The following ASB15 variants were observed in gnomAD, a reference collection of about 807,000 sequenced individuals.
The protein encoded by ASB15 is ankyrin repeat and SOCS box containing 15, also known as ankyrin repeat and SOCS box protein 15.
A neutral mutation model predicts 58.0 loss-of-function variants in ASB15; 54 were observed. The observed-to-expected ratio is 0.93, with a 90% CI of 0.75 to 1.17. ASB15 has a LOEUF of 1.17. ASB15 is among the 50% of genes most tolerant of loss of function. The probability of loss-of-function intolerance (pLI) is 0.00; values close to 1 mark genes in which losing one functional copy is unlikely to be tolerated. For missense variants in ASB15, 680 were observed against 707.4 expected, an observed-to-expected ratio of 0.96 and a Z score of 0.44; for synonymous variants, 249 against 262.4, an observed-to-expected ratio of 0.95 and a Z score of 0.50.
chr7:123,637,878 T>TAAAAAAAAAA lies in ASB15; in HGVS notation c.*910_*919dup, dbSNP rs71161491. ...AAATTCAACATGTCCCCAGATGAAC[T>TAAAAAAAAAA]AAAAAAAAAAAAAAAAAAAAAACCT... On this transcript the variant is annotated 3_prime_UTR_variant, in exon 12 of 12. Coordinates refer to ENST00000451215, the MANE Select transcript of ASB15 (RefSeq NM_001290258.2). The TAAAAAAAAAA allele has an allele frequency of 1.0e-3, 53 of 52,450 alleles. 3 individuals are homozygous for TAAAAAAAAAA. The highest frequency in any genetic ancestry group is 2.5e-3 in the Admixed American group (10 of 4,044). 3.2% of individuals were successfully genotyped at this position (52,450 alleles called of 1,614,324 possible).
intron 1 of ASB15, among the ~76,000 whole-genome samples, chr7:123,603,437 CA>C (rs1435039329): frequency 6.6e-6 from 1 of 152,152 alleles, no homozygotes. Flanking sequence ...AGGTATTTGA[CA>C]ATATTCCTTG....
At chr7:123,623,522 T>C (rs553002484) in intron 7 of ASB15, among the ~76,000 whole-genome samples, 28 of 152,198 alleles carry the variant, frequency 1.8e-4, no homozygotes, top group Non-Finnish European at 3.1e-4. Flanking sequence ...CTGGGAACAG[T>C]TGGCCTATGT....
chr7:123,603,573 G>A (rs553504267), intron 1 of ASB15, among the ~76,000 whole-genome samples: 1 of 152,090 alleles, frequency 6.6e-6, no homozygotes, highest in African/African-American at 2.4e-5. Flanking sequence ...CAACATAGAG[G>A]CCTCTGTCCT....
At chr7:123,598,806 C>T (rs949543756), upstream of ASB15, 1 of 152,180 alleles carries the variant, frequency 6.6e-6, no homozygotes, top group African/African-American at 2.4e-5. Context: ...CTTGCCTTTG[C>T]TTGGCTACAT....
intron 7 of ASB15, among the ~76,000 whole-genome samples, chr7:123,618,898 A>G (rs747709391): frequency 3.9e-5 from 6 of 152,248 alleles, no homozygotes; most frequent in Admixed American, 1.3e-4. Context: ...CACATTGGCC[A>G]GGCGCGGTGG....
rs374487666 is a variant in ASB15, at chr7:123,572,375, A to G, written c.-443+5287A>G. Among the ~76,000 whole-genome samples, 371 of 151,424 alleles carry G rather than the reference A, an allele frequency of 2.5e-3. 2 individuals are homozygous for G. Among genetic ancestry groups the G allele is most frequent in the African/African-American group, 8.7e-3 (359 of 41,336 alleles). The stretch of plus-strand genomic sequence containing the variant: ...AGGACGGTCTCGATCTCTTGACCTC[A>G]TGATCCGCCCGCCTCAGCCTCCGAA... On this transcript the variant is annotated intron_variant, in intron 1 of 13. Coordinates refer to the ASB15 transcript ENST00000451558.
At chr7:123,629,818 A>G in intron 10 of ASB15, 148 bp from the exon 11 acceptor site, 1 of 646,068 alleles carries the variant, frequency 1.5e-6, no homozygotes, top group Non-Finnish European at 2.5e-6. Flanking sequence ...AGAGAGAAGC[A>G]AACAATTTAT....
intron 7 of ASB15, chr7:123,623,251 A>G (rs1263128683): frequency 6.6e-6 from 1 of 152,198 alleles, no homozygotes. Flanking sequence ...TGAATGAGTG[A>G]ATGTAACTGT....
At chr7:123,595,692 C>T (rs928866085) in intron 1 of ASB15, among the ~76,000 whole-genome samples, 1 of 152,198 alleles carries the variant, frequency 6.6e-6, no homozygotes, top group African/African-American at 2.4e-5. Context: ...TTAAATACTG[C>T]ACTGGTGAGA....
At chr7:123,587,472 A>G (rs1799407591) in intron 1 of ASB15, among the ~76,000 whole-genome samples, 1 of 150,886 alleles carries the variant, frequency 6.6e-6, no homozygotes, top group African/African-American at 2.4e-5. Context: ...TTTTTTATAC[A>G]TGGTATTATG....
intron 1 of ASB15, among the ~76,000 whole-genome samples, chr7:123,569,403 A>C (rs1798844064): frequency 6.6e-6 from 1 of 151,902 alleles, no homozygotes; most frequent in African/African-American, 2.4e-5. Context: ...GCTAGGGCCC[A>C]AAAAAAAGGC....
chr7:123,607,669 T>C (rs1277034891), intron 2 of ASB15, among the ~76,000 whole-genome samples: 1 of 152,140 alleles, frequency 6.6e-6, no homozygotes, highest in African/African-American at 2.4e-5. Flanking sequence ...GTATTTGTTG[T>C]AGAGATGAGG....
intron 8 of ASB15, 113 bp downstream of exon 8, chr7:123,624,927 T>C: frequency 2.3e-6 from 3 of 1,309,924 alleles, no homozygotes; most frequent in Non-Finnish European, 3.1e-6. Context: ...CCTCTTCCTC[T>C]GCTGAATGGA....
At chr7:123,588,679 A>AT (rs1038419467) in intron 1 of ASB15, among the ~76,000 whole-genome samples, 37 of 126,492 alleles carry the variant, frequency 2.9e-4, no homozygotes, top group East Asian at 1.9e-3. Context: ...TTTATTTGGG[A>AT]TTTTTTTTTT....
rs1802040339 is a variant in ASB15 at position 123,630,044 on chromosome 7, T to C, written c.1519T>C (p.Tyr507His). ...TCGTGTACTAATAGATTACATGGAT[T>C]ATGTTCCTCTGTGTGCTAAACTGAA... ...VTRVLIDYMD[Y>H]VPLCAKLKSA... Residue 507 changes from tyrosine (Y) to histidine (H), a missense_variant, in exon 11 of 12, where the codon TAT (tyrosine) becomes CAT (histidine). Physicochemically the swap from Tyr to His is moderately conservative, Grantham distance 83 (BLOSUM62 2). Coordinates refer to ENST00000451215, the MANE Select transcript of ASB15 (RefSeq NM_001290258.2). The C allele has an allele frequency of 1.9e-6, 3 of 1,608,004 alleles. No homozygotes were observed. Among genetic ancestry groups the C allele is most frequent in the Non-Finnish European group, 2.6e-6 (3 of 1,175,012 alleles).
chr7:123,629,295 T>C lies in ASB15; in HGVS notation c.1301T>C (p.Leu434Pro). ...YALNDEVMLRLLLNNGYQVEM... is the reference protein window; with the variant it reads ...YALNDEVMLRPLLNNGYQVEM... ...CTAAACGACGAGGTAATGCTGAGGC[T>C]ATTGCTGAATAATGGCTATCAAGTG... Residue 434 changes from leucine (L) to proline (P), a missense_variant, in exon 10 of 12, where the codon CTA (leucine) becomes CCA (proline). Leu to Pro is a moderately conservative substitution (Grantham distance 98). Coordinates refer to ENST00000451215, the MANE Select transcript of ASB15 (RefSeq NM_001290258.2). The C allele has an allele frequency of 6.2e-7, 1 of 1,614,166 alleles. No individual in the cohort carries two copies. The highest frequency in any genetic ancestry group is 8.5e-7 in the Non-Finnish European group (1 of 1,179,998).
chr7:123,624,715 G>A lies in ASB15; in HGVS notation c.598G>A (p.Gly200Arg), dbSNP rs1385770450. 2 of 1,614,184 alleles carry A rather than the reference G, an allele frequency of 1.2e-6. No homozygotes were observed. The highest frequency in any genetic ancestry group is 2.2e-5 in the East Asian group (1 of 44,890). ...TATCGTAGCTCTGCTGCTGAAACAT[G>A]GAGGCAATGTCCACCTGAGAGATGG... Reference protein sequence around the residue: ...KDIVALLLKHGGNVHLRDGFG... With the variant: ...KDIVALLLKHRGNVHLRDGFG... Residue 200 changes from glycine to arginine, a missense_variant, in exon 8 of 12, where the codon GGA (glycine) becomes AGA (arginine). By Grantham distance (125) the Gly-to-Arg change is moderately radical. Coordinates refer to ENST00000451215, the MANE Select transcript of ASB15 (RefSeq NM_001290258.2).
At chr7:123,589,333 T>C (rs894188388) in intron 1 of ASB15, among the ~76,000 whole-genome samples, 1 of 148,598 alleles carries the variant, frequency 6.7e-6, no homozygotes, top group African/African-American at 2.5e-5. Context: ...TCATTATTAT[T>C]ATTATACTTT....
At chr7:123,597,917 CGTGTGTGTGTGT>C (rs61508655), upstream of ASB15, among the ~76,000 whole-genome samples, 48 of 133,070 alleles carry the variant, frequency 3.6e-4, 1 homozygote, top group Admixed American at 2.6e-3. Flanking sequence ...TTTCAAACTT[CGTGTGTGTGTGT>C]GTGTGTGTGT....
Sources: gnomAD v4.1 joint callset for allele counts (sites outside exome capture counted in the v4.1 genomes callset) on GRCh38, gnomAD v4.1.1 for gene constraint, MANE v1.5 for transcripts, NCBI Gene and HGNC (gene_info 2026-07-23, HGNC 2026-07-21) for gene names.